The following SLC12A1 variants were observed in gnomAD, a reference collection of about 807,000 sequenced individuals.
The protein encoded by SLC12A1 is Na-K-2Cl cotransporter.
Under a neutral mutation model 130.4 loss-of-function variants are expected in SLC12A1, and 89 were observed. That is an observed-to-expected ratio of 0.68 (90% CI 0.58 to 0.81). The LOEUF is 0.81. SLC12A1 is among the 40% of genes least tolerant of loss of function. SLC12A1 has a pLI of 0.00. For synonymous variants in SLC12A1, 499 were observed against 460.0 expected (o/e 1.08, Z -1.09); for missense variants, 1,310 against 1,336.4 (o/e 0.98, Z 0.31).
intron 2 of SLC12A1, among the ~76,000 whole-genome samples, chr15:48,217,122 A>G (rs1202454629): frequency 6.6e-6 from 1 of 152,178 alleles, no homozygotes; most frequent in Non-Finnish European, 1.5e-5. Context: ...TATTTTATAG[A>G]TATTCTATTA....
At chr15:48,272,578 C>A (rs1275970447) in intron 19 of SLC12A1, among the ~76,000 whole-genome samples, 1 of 152,106 alleles carries the variant, frequency 6.6e-6, no homozygotes, top group Non-Finnish European at 1.5e-5. Context: ...AGGTGCACAC[C>A]ACCATGCCCA....
In SLC12A1 at chr15:48,249,600, C is replaced by T. The variant is rs2041624540; in HGVS notation, c.1710C>T (p.Ile570=). ...LIAELNTIAP[I]ISNFFLASYA... Reference sequence around the variant, plus strand: ...CGGAACTGAACACCATTGCTCCCATCATCTCCAACTTTTTCCTGGCCTCAT... The same window carrying T: ...CGGAACTGAACACCATTGCTCCCATTATCTCCAACTTTTTCCTGGCCTCAT... The change falls in exon 14 of 27, where the codon ATC becomes ATT. Residue 570 remains isoleucine, a synonymous_variant. Coordinates refer to ENST00000380993, the MANE Select transcript of SLC12A1 (RefSeq NM_000338.3). 6.2e-7 allele frequency: 1 copy of T among 1,613,920 alleles called. No individual in the cohort carries two copies. The highest frequency in any genetic ancestry group is 8.5e-7 in the Non-Finnish European group (1 of 1,179,800).
chr15:48,299,174 C>G lies in SLC12A1; in HGVS notation c.2995C>G (p.Arg999Gly). 3.7e-6 allele frequency: 6 copies of G among 1,606,198 alleles called. No homozygotes were observed. The highest frequency in any genetic ancestry group is 5.1e-6 in the Non-Finnish European group (6 of 1,177,670). Residue 999 changes from arginine to glycine, a missense_variant, in exon 25 of 27, where the codon CGT becomes GGT. Transcript: ENST00000380993. Reference sequence around the variant, plus strand: ...CTTTGAAGAGATGATTGAACCATATCGTCTCCATGAAAGCTGCAAAGATTT... The same window carrying G: ...CTTTGAAGAGATGATTGAACCATATGGTCTCCATGAAAGCTGCAAAGATTT... Reference protein sequence around the residue: ...KVFEEMIEPYRLHESCKDLTT... With the variant: ...KVFEEMIEPYGLHESCKDLTT...
chr15:48,235,053 G>A, intron 9 of SLC12A1, 49 bp downstream of exon 9: 1 of 1,592,428 alleles, frequency 6.3e-7, no homozygotes, highest in Non-Finnish European at 8.6e-7. Flanking sequence ...GGTACACTTG[G>A]TGGGTAGCAC....
At chr15:48,262,062 G>T (rs1173116830) in intron 17 of SLC12A1, among the ~76,000 whole-genome samples, 2 of 151,932 alleles carry the variant, frequency 1.3e-5, no homozygotes, top group Non-Finnish European at 2.9e-5. Context: ...ATTATTTTTG[G>T]TATGCTATAG....
At chr15:48,252,668 A>AT (rs1441366590) in intron 15 of SLC12A1, among the ~76,000 whole-genome samples, 1 of 152,068 alleles carries the variant, frequency 6.6e-6, no homozygotes, top group Non-Finnish European at 1.5e-5. Flanking sequence ...TTTAACAAAT[A>AT]TTTTTTAAAT....
intron 16 of SLC12A1, among the ~76,000 whole-genome samples, chr15:48,258,788 T>C (rs1452401604): frequency 6.6e-6 from 1 of 152,170 alleles, no homozygotes; most frequent in Non-Finnish European, 1.5e-5. Flanking sequence ...GACTCACAGT[T>C]CCACATGGCT....
In SLC12A1 at chr15:48,285,267, T is replaced by C. The variant is rs776306510; in HGVS notation, c.2629+18T>C. On this transcript the variant is annotated intron_variant, in intron 21 of 26. Coordinates refer to ENST00000380993, the MANE Select transcript of SLC12A1 (RefSeq NM_000338.3). ...TAAAAAAGGTAAGAACTTTTTAAAATTTGCAAAAAAGTTTACAAGATGAGT... is the reference window on the plus strand; with the variant it reads ...TAAAAAAGGTAAGAACTTTTTAAAACTTGCAAAAAAGTTTACAAGATGAGT... 6.2e-7 allele frequency: 1 copy of C among 1,611,298 alleles called. No homozygotes were observed. The highest frequency in any genetic ancestry group is 2.2e-5 in the East Asian group (1 of 44,846).
At chr15:48,241,745 A>T in intron 10 of SLC12A1, 146 bp downstream of exon 10, 1 of 656,400 alleles carries the variant, frequency 1.5e-6, no homozygotes, top group South Asian at 1.8e-5. Flanking sequence ...AATGTTAATG[A>T]TGTGGATACT....
intron 20 of SLC12A1, among the ~76,000 whole-genome samples, chr15:48,276,174 G>A (rs1168391923): frequency 6.6e-6 from 1 of 152,194 alleles, no homozygotes; most frequent in Non-Finnish European, 1.5e-5. Context: ...AATGGGAAAT[G>A]CAAGAGGAAG....
intron 10 of SLC12A1, among the ~76,000 whole-genome samples, chr15:48,242,917 TTTGA>T (rs1353977659): frequency 6.6e-6 from 1 of 152,266 alleles, no homozygotes; most frequent in Admixed American, 6.5e-5. Context: ...TTTAAATGAC[TTTGA>T]AACCACTAAA....
At chr15:48,232,444 A>G (rs906463242) in intron 7 of SLC12A1, among the ~76,000 whole-genome samples, 1 of 152,218 alleles carries the variant, frequency 6.6e-6, no homozygotes. Context: ...TTCCTGGGAC[A>G]ATGGTGGAAG....
intron 13 of SLC12A1, among the ~76,000 whole-genome samples, chr15:48,248,258 T>C (rs778446869): frequency 6.6e-6 from 1 of 152,194 alleles, no homozygotes; most frequent in Non-Finnish European, 1.5e-5. Flanking sequence ...CTATAATTCA[T>C]GAATCCTCAT....
intron 24 of SLC12A1, among the ~76,000 whole-genome samples, chr15:48,298,642 G>A (rs1056459600): frequency 3.3e-5 from 5 of 152,176 alleles, no homozygotes; most frequent in African/African-American, 1.2e-4. Flanking sequence ...ACCTGCCCGC[G>A]GCCTCCTGCC....
intron 17 of SLC12A1, among the ~76,000 whole-genome samples, chr15:48,262,616 T>G (rs1289308838): frequency 6.6e-6 from 1 of 152,190 alleles, no homozygotes; most frequent in Non-Finnish European, 1.5e-5. Context: ...AGGGTAAATT[T>G]GGGGACCCAT....
At chr15:48,289,793 C>A (rs2042100961) in intron 23 of SLC12A1, among the ~76,000 whole-genome samples, 2 of 152,222 alleles carry the variant, frequency 1.3e-5, no homozygotes, top group African/African-American at 2.4e-5. Flanking sequence ...GTGGAACTTG[C>A]AGGACTGGCA....
rs757553770 is a variant in SLC12A1 at position 48,259,214 on chromosome 15, T to C, written c.2057T>C (p.Val686Ala). 1.1e-5 allele frequency: 17 copies of C among 1,611,998 alleles called. No homozygotes were observed. The highest frequency in any genetic ancestry group is 1.3e-5 in the Non-Finnish European group (15 of 1,178,122). ...HVKNFRPQCI[V>A]LTGGPMTRPA... ...TTTACTTCCAGGCCCCAGTGCATTGTCTTAACAGGGGGACCCATGACAAGA... is the reference window on the plus strand; with the variant it reads ...TTTACTTCCAGGCCCCAGTGCATTGCCTTAACAGGGGGACCCATGACAAGA... Residue 686 changes from valine (V) to alanine (A), a missense_variant, in exon 17 of 27, where the codon GTC (valine) becomes GCC (alanine). Val to Ala is a moderately conservative substitution (Grantham distance 64). Transcript: ENST00000380993.
rs201063177 is a variant in SLC12A1 at position 48,289,094 on chromosome 15, A to AT, written c.2873+580dup. Reference sequence around the variant, plus strand: ...AAGGGATGACTGTAGAGAACTCTTAATTAAAAAAAAAAAATCCCACAGTGT... The same window carrying AT: ...AAGGGATGACTGTAGAGAACTCTTAATTTAAAAAAAAAAAATCCCACAGTGT... On this transcript the variant is annotated intron_variant, in intron 23 of 26. Coordinates refer to ENST00000380993, the MANE Select transcript of SLC12A1 (RefSeq NM_000338.3). 5.5e-3 allele frequency among the ~76,000 whole-genome samples: 758 copies of AT among 137,894 alleles called. 8 individuals are homozygous for AT. The highest frequency in any genetic ancestry group is 0.046 in the Middle Eastern group (13 of 284). 90.5% of individuals were successfully genotyped at this position (137,894 alleles called of 152,430 possible). A position where few individuals can be genotyped will look rare whatever the true frequency, so the allele number is the denominator to read the frequency against.
intron 5 of SLC12A1, 179 bp from the exon 6 acceptor site, chr15:48,229,010 C>A: frequency 1.2e-5 from 7 of 570,340 alleles, no homozygotes; most frequent in Non-Finnish European, 2.1e-5. Flanking sequence ...AGATTAAGTA[C>A]AGAGTACCAA....
Sources: gnomAD v4.1 joint callset for allele counts (sites outside exome capture counted in the v4.1 genomes callset) on GRCh38, gnomAD v4.1.1 for gene constraint, MANE v1.5 for transcripts, NCBI Gene and HGNC (gene_info 2026-07-23, HGNC 2026-07-21) for gene names.